The following TAF4B variants were observed in gnomAD, a reference collection of about 807,000 sequenced individuals.
TAF4B encodes transcription initiation factor TFIID subunit 4B.
In TAF4B, 38 loss-of-function variants were observed where a neutral mutation model predicts 86.4. That is an observed-to-expected ratio of 0.44 (90% CI 0.34 to 0.58). TAF4B has a LOEUF of 0.58. TAF4B is among the 20% of genes least tolerant of loss of function. The probability of loss-of-function intolerance (pLI) is 0.02; values close to 1 mark genes in which losing one functional copy is unlikely to be tolerated. For missense variants in TAF4B, 988 were observed against 1,027.6 expected, an observed-to-expected ratio of 0.96 and a Z score of 0.53; for synonymous variants, 388 against 391.2, an observed-to-expected ratio of 0.99 and a Z score of 0.10.
intron 10 of TAF4B, among the ~76,000 whole-genome samples, chr18:26,317,477 T>C (rs1007335290): frequency 6.6e-6 from 1 of 152,218 alleles, no homozygotes; most frequent in African/African-American, 2.4e-5. Context: ...CTTTTGTAGG[T>C]TATATGGTTT....
chr18:26,360,196 G>A (rs936657922), intron 14 of TAF4B, among the ~76,000 whole-genome samples: 1 of 152,022 alleles, frequency 6.6e-6, no homozygotes, highest in Admixed American at 6.6e-5. Flanking sequence ...CCTCTAAGTT[G>A]TATCAGTTTT....
At chr18:26,308,896 A>AG (rs1234374538) in intron 9 of TAF4B, among the ~76,000 whole-genome samples, 2 of 151,450 alleles carry the variant, frequency 1.3e-5, no homozygotes, top group Non-Finnish European at 2.9e-5. Context: ...AAAAAAAAAA[A>AG]AAAGAAATTG....
rs533292459 is a variant in TAF4B, at chr18:26,338,440, G to A, written c.2316+3209G>A. Among the ~76,000 whole-genome samples, 11 of 148,396 alleles carry A rather than the reference G, an allele frequency of 7.4e-5. No individual in the cohort carries two copies. In the East Asian group the frequency reaches 2.2e-3, roughly 30 times the overall value. ...CTGACTCCAGCCTGGGTGACAGAGT[G>A]AGACTCTGTCTCAGAAAAAAAGAAC... On this transcript the variant is annotated intron_variant, in intron 13 of 14. Coordinates refer to ENST00000269142, the MANE Select transcript of TAF4B (RefSeq NM_005640.3).
intron 12 of TAF4B, among the ~76,000 whole-genome samples, chr18:26,332,614 C>G (rs2057059336): frequency 6.6e-6 from 1 of 152,044 alleles, no homozygotes; most frequent in East Asian, 1.9e-4. Context: ...ACTGCAACTT[C>G]CGCCTCCCAA....
At chr18:26,243,626 G>A (rs1373370295) in intron 1 of TAF4B, among the ~76,000 whole-genome samples, 7 of 152,174 alleles carry the variant, frequency 4.6e-5, no homozygotes, top group Admixed American at 4.6e-4. Flanking sequence ...TTCCATTGCT[G>A]GTGAGGAGCT....
intron 1 of TAF4B, among the ~76,000 whole-genome samples, chr18:26,240,098 A>T (rs930892822): frequency 6.6e-6 from 1 of 152,160 alleles, no homozygotes; most frequent in Non-Finnish European, 1.5e-5. Context: ...TATGAACTTT[A>T]AAGTAGTTTT....
chr18:26,313,681 T>A (rs1365295819), intron 9 of TAF4B, among the ~76,000 whole-genome samples: 1 of 152,094 alleles, frequency 6.6e-6, no homozygotes, highest in Non-Finnish European at 1.5e-5. Flanking sequence ...TTTTTTTTTT[T>A]TAAACACAGG....
At chr18:26,290,564 G>A (rs142150406) in intron 7 of TAF4B, among the ~76,000 whole-genome samples, 134 of 152,250 alleles carry the variant, frequency 8.8e-4, no homozygotes, top group African/African-American at 3.1e-3. Context: ...TGTTGCTATG[G>A]CCTTTGTGCA....
chr18:26,327,229 A>G, intron 12 of TAF4B, 89 bp downstream of exon 12: 1 of 1,478,380 alleles, frequency 6.8e-7, no homozygotes, highest in East Asian at 2.3e-5. Context: ...TGGTTTTATT[A>G]GGCCTTTAGA....
At chr18:26,320,610 T>G (rs528477597) in intron 10 of TAF4B, among the ~76,000 whole-genome samples, 2 of 152,204 alleles carry the variant, frequency 1.3e-5, no homozygotes, top group Non-Finnish European at 2.9e-5. Context: ...TATAGGTATG[T>G]CTTGTAGACA....
At chr18:26,252,714 C>G (rs1049122288) in intron 1 of TAF4B, among the ~76,000 whole-genome samples, 1 of 151,820 alleles carries the variant, frequency 6.6e-6, no homozygotes, top group Admixed American at 6.6e-5. Context: ...TCAGGTAACC[C>G]TATTTTAATT....
chr18:26,233,378 A>T (rs2055701863), intron 1 of TAF4B, among the ~76,000 whole-genome samples: 1 of 152,144 alleles, frequency 6.6e-6, no homozygotes, highest in South Asian at 2.1e-4. Context: ...CCAGAGGTGA[A>T]TGGTCATGCA....
intron 7 of TAF4B, among the ~76,000 whole-genome samples, chr18:26,290,176 G>A (rs1027025328): frequency 6.6e-6 from 1 of 152,050 alleles, no homozygotes; most frequent in Non-Finnish European, 1.5e-5. Context: ...GTTTCATTTT[G>A]TTGCCTAGCC....
In TAF4B at chr18:26,226,826, G is replaced by T; in HGVS notation, c.-108G>T. ...TGCGGCCCCCGCGCCTCTCCCCAGC[G>T]ATGCTGTGGAACCCGAACCGCACCG... On this transcript the variant is annotated 5_prime_UTR_variant, in exon 1 of 15. Transcript: ENST00000269142. 2 of 893,256 alleles carry T rather than the reference G, an allele frequency of 2.2e-6. No individual in the cohort carries two copies. Among genetic ancestry groups the T allele is most frequent in the South Asian group, 3.2e-5 (1 of 31,654 alleles). 55.3% of individuals were successfully genotyped at this position (893,256 alleles called of 1,614,324 possible).
At chr18:26,357,904 A>G in intron 14 of TAF4B, 110 bp downstream of exon 14, 1 of 661,738 alleles carries the variant, frequency 1.5e-6, no homozygotes, top group Admixed American at 3.7e-5. Flanking sequence ...GCTGCCAGAC[A>G]CTTCTTAAAA....
chr18:26,230,355 C>T (rs1236011654), intron 1 of TAF4B, among the ~76,000 whole-genome samples: 1 of 152,204 alleles, frequency 6.6e-6, no homozygotes, highest in South Asian at 2.1e-4. Context: ...CATCTCCTTT[C>T]CCAACTTCTT....
intron 1 of TAF4B, among the ~76,000 whole-genome samples, chr18:26,242,418 T>C (rs2055853778): frequency 1.3e-5 from 2 of 152,226 alleles, no homozygotes; most frequent in African/African-American, 4.8e-5. Flanking sequence ...CTTGCCTTTT[T>C]TCGTTTTCCA....
rs948983423 is a variant in TAF4B, at chr18:26,305,189, T to C, written c.1833-10040T>C. ...TCTAAGATACTTGTATGCACTTACC[T>C]CAAATACAGATATTTACCTTTATAT... On this transcript the variant is annotated intron_variant, in intron 9 of 14. Transcript: ENST00000269142. 2.6e-5 allele frequency among the ~76,000 whole-genome samples: 4 copies of C among 152,346 alleles called. No homozygotes were observed. In the East Asian group the frequency reaches 7.7e-4, roughly 29 times the overall value.
intron 9 of TAF4B, among the ~76,000 whole-genome samples, chr18:26,302,849 C>T (rs1215038341): frequency 6.6e-6 from 1 of 151,762 alleles, no homozygotes; most frequent in Non-Finnish European, 1.5e-5. Context: ...TATGGATCTT[C>T]TCTTTTTTTT....
Sources: allele counts gnomAD v4.1 joint callset (sites outside exome capture counted in the v4.1 genomes callset), GRCh38; gene constraint gnomAD v4.1.1; transcripts MANE v1.5; gene names NCBI Gene and HGNC (gene_info 2026-07-23, HGNC 2026-07-21).